ZFAND4: variants seen among roughly 807,000 people sequenced by gnomAD.
ZFAND4 encodes the protein zinc finger AN1-type containing 4.
A neutral mutation model predicts 64.4 loss-of-function variants in ZFAND4; 43 were observed. The ratio of observed to expected loss-of-function variants is 0.67; its 90% confidence interval spans 0.52 to 0.86. ZFAND4 has a LOEUF of 0.86. Among genes scored for constraint, ZFAND4 ranks in the 40% least tolerant of loss-of-function variants. The probability of loss-of-function intolerance (pLI) is 0.00; values close to 1 mark genes in which losing one functional copy is unlikely to be tolerated. For missense variants in ZFAND4, 929 were observed against 859.8 expected (o/e 1.08, Z -1.01); for synonymous variants, 296 against 305.7 (o/e 0.97, Z 0.33).
intron 6 of ZFAND4, among the ~76,000 whole-genome samples, chr10:45,635,029 G>A (rs1476028510): frequency 6.6e-6 from 1 of 151,646 alleles, no homozygotes; most frequent in Non-Finnish European, 1.5e-5. Flanking sequence ...ATGTTCATGA[G>A]TTGGAAGAAT....
At chr10:45,633,141 G>A in intron 6 of ZFAND4, among the ~76,000 whole-genome samples, 1 of 149,184 alleles carries the variant, frequency 6.7e-6, no homozygotes, top group East Asian at 2.0e-4. Context: ...GAAATGAAAA[G>A]AGAAATACAC....
chr10:45,641,306 T>C (rs2046982517), intron 5 of ZFAND4, among the ~76,000 whole-genome samples: 1 of 152,340 alleles, frequency 6.6e-6, no homozygotes, highest in South Asian at 2.1e-4. Context: ...TAAGAATACA[T>C]ATTAGTTTCT....
intron 5 of ZFAND4, 30 bp downstream of exon 5, chr10:45,648,264 A>G: frequency 6.9e-7 from 1 of 1,450,124 alleles, no homozygotes; most frequent in South Asian, 1.3e-5. Context: ...TATTTTGACA[A>G]CACAAGGTAA....
intron 7 of ZFAND4, among the ~76,000 whole-genome samples, chr10:45,624,929 C>T (rs1382460976): frequency 1.3e-5 from 2 of 151,876 alleles, no homozygotes; most frequent in South Asian, 2.1e-4. Flanking sequence ...CCTGGGACGT[C>T]GTGGCTGCAG....
chr10:45,625,199 G>A (rs2045712198), intron 7 of ZFAND4, among the ~76,000 whole-genome samples: 1 of 150,886 alleles, frequency 6.6e-6, no homozygotes, highest in African/African-American at 2.4e-5. Context: ...AAGGCCGGGC[G>A]CAATGGCTCA....
intron 1 of ZFAND4, among the ~76,000 whole-genome samples, chr10:45,666,862 C>T (rs1564638773): frequency 2.0e-5 from 3 of 152,188 alleles, no homozygotes; most frequent in African/African-American, 7.2e-5. Context: ...TTCTGTTGAT[C>T]TACCTATGCC....
chr10:45,667,504 T>C (rs7069223), intron 1 of ZFAND4, among the ~76,000 whole-genome samples: 77,054 of 139,996 alleles, frequency 0.55, 21,581 homozygotes, highest in South Asian at 0.66. Flanking sequence ...AGTCCCACTC[T>C]GTTGCCCGGG....
At chr10:45,638,921 G>T (rs1209206097) in intron 6 of ZFAND4, among the ~76,000 whole-genome samples, 1 of 152,142 alleles carries the variant, frequency 6.6e-6, no homozygotes, top group African/African-American at 2.4e-5. Flanking sequence ...TGTAAGAACA[G>T]TCGTTATTTC....
intron 6 of ZFAND4, among the ~76,000 whole-genome samples, chr10:45,637,538 T>A (rs529859853): frequency 6.6e-6 from 1 of 151,868 alleles, no homozygotes; most frequent in South Asian, 2.1e-4. Context: ...GATGACAAGG[T>A]CAGAAGTTCA....
At position 45,663,839 on chromosome 10, in the gene ZFAND4, G is replaced by A; in HGVS notation, c.-114C>T. The stretch of plus-strand genomic sequence containing the variant: ...TATTGTTGTTCATGTTTTGAGTTTT[G>A]TACCTAAAAAAACAAGAATTTTTTT... On this transcript the variant is annotated 5_prime_UTR_variant, in exon 2 of 10. Transcript: ENST00000344646. 1 of 954,292 alleles carries A rather than the reference G, an allele frequency of 1.0e-6. No individual in the cohort carries two copies. The highest frequency in any genetic ancestry group is 1.4e-6 in the Non-Finnish European group (1 of 691,204). 59.1% of individuals were successfully genotyped at this position (954,292 alleles called of 1,614,324 possible).
At chr10:45,643,669 CA>C (rs755281191) in intron 5 of ZFAND4, among the ~76,000 whole-genome samples, 2,409 of 56,106 alleles carry the variant, frequency 0.043, 19 homozygotes, top group African/African-American at 0.1. Flanking sequence ...GACTCCATCT[CA>C]AAAAAAAAAA....
Position 45,626,454 on chromosome 10 carries a change from A to C in ZFAND4, c.1369T>G (p.Ser457Ala). ...CTTAATTCCCGGTAGTTAAGAACTG[A>C]AGTCTCTACTGATTCCCCATTCAGC... The part of the protein sequence containing the change: ...GVLNGESVET[S>A]VLNYRELSPH... Residue 457 changes from serine (S) to alanine (A), a missense_variant, in exon 7 of 10, where the codon TCA becomes GCA. Physicochemically the swap from Ser to Ala is moderately conservative, Grantham distance 99 (BLOSUM62 1). Transcript: ENST00000344646. 6.2e-7 allele frequency: 1 copy of C among 1,613,690 alleles called. No individual in the cohort carries two copies. The highest frequency in any genetic ancestry group is 8.5e-7 in the Non-Finnish European group (1 of 1,180,028).
In ZFAND4 at chr10:45,639,779, G is replaced by C. The variant is rs770847970; in HGVS notation, c.717+37C>G. On this transcript the variant is annotated intron_variant, in intron 6 of 9. Transcript: ENST00000344646. Reference sequence around the variant, plus strand: ...ATTGCTGAGTGCTCTGCAGGGGTAAGCTAGAGATAAGCCTGGTCAAATGCC... The same window carrying C: ...ATTGCTGAGTGCTCTGCAGGGGTAACCTAGAGATAAGCCTGGTCAAATGCC... 3.0e-5 allele frequency: 47 copies of C among 1,574,430 alleles called. No individual in the cohort carries two copies. In the East Asian group the frequency reaches 1.0e-3, roughly 34 times the overall value.
Position 45,626,485 on chromosome 10 carries a change from T to C in ZFAND4, c.1338A>G (p.Ala446=). The change falls in exon 7 of 10, where the codon GCA becomes GCG. Residue 446 remains alanine (A), a synonymous_variant. Transcript: ENST00000344646. Reference sequence around the variant, plus strand: ...CTACTGATTCCCCATTCAGCACTCCTGCAACATGCTTGAGATGCTGCTCTG... The same window carrying C: ...CTACTGATTCCCCATTCAGCACTCCCGCAACATGCTTGAGATGCTGCTCTG... The part of the protein sequence containing the change: ...KAPEQHLKHV[A]GVLNGESVET... 6.2e-7 allele frequency: 1 copy of C among 1,613,828 alleles called. No homozygotes were observed.
chr10:45,624,012 A>T (rs2045618086), intron 8 of ZFAND4, among the ~76,000 whole-genome samples: 2 of 152,226 alleles, frequency 1.3e-5, no homozygotes, highest in South Asian at 2.1e-4. Flanking sequence ...TAAAACATTT[A>T]AAAAGATGGC....
chr10:45,660,897 C>T (rs1277539744), intron 2 of ZFAND4, among the ~76,000 whole-genome samples: 2 of 151,372 alleles, frequency 1.3e-5, no homozygotes, highest in Admixed American at 1.3e-4. Context: ...TTGCAAGAAA[C>T]GTTAAAAGAC....
intron 8 of ZFAND4, among the ~76,000 whole-genome samples, chr10:45,622,511 G>A (rs958176254): frequency 6.6e-6 from 1 of 150,680 alleles, no homozygotes; most frequent in African/African-American, 2.4e-5. Flanking sequence ...TAATGTGTCA[G>A]GCATCGGATT....
intron 6 of ZFAND4, among the ~76,000 whole-genome samples, chr10:45,631,951 G>C (rs975274716): frequency 9.2e-5 from 14 of 152,116 alleles, no homozygotes; most frequent in African/African-American, 3.4e-4. Flanking sequence ...TTTGAACATC[G>C]AAAAATTCAA....
Position 45,626,467 on chromosome 10 carries a change from T to C in ZFAND4, c.1356A>G (p.Glu452=), listed in dbSNP as rs2045832700. The C allele has an allele frequency of 6.2e-7, 1 of 1,613,588 alleles. No individual in the cohort carries two copies. The highest frequency in any genetic ancestry group is 1.7e-5 in the Admixed American group (1 of 60,000). The change falls in exon 7 of 10, where the codon GAA becomes GAG. Residue 452 remains glutamate, a synonymous_variant. Coordinates refer to ENST00000344646, the MANE Select transcript of ZFAND4 (RefSeq NM_174890.4). The stretch of plus-strand genomic sequence containing the variant: ...AGTTAAGAACTGAAGTCTCTACTGA[T>C]TCCCCATTCAGCACTCCTGCAACAT... The part of the protein sequence containing the change: ...LKHVAGVLNG[E]SVETSVLNYR...
Sources: gnomAD v4.1 joint callset for allele counts (sites outside exome capture counted in the v4.1 genomes callset) on GRCh38, gnomAD v4.1.1 for gene constraint, MANE v1.5 for transcripts, NCBI Gene and HGNC (gene_info 2026-07-23, HGNC 2026-07-21) for gene names.